The following TLR2 variants were observed in gnomAD, a reference collection of about 807,000 sequenced individuals.
TLR2 encodes toll-like receptor 2.
TLR2 carries 7 observed loss-of-function variants against 9.1 expected under a neutral mutation model. That is an observed-to-expected ratio of 0.77 (90% CI 0.44 to 1.44). The LOEUF (loss-of-function observed/expected upper bound fraction) is 1.44, where lower values mean the gene tolerates loss of function less well. TLR2 is among the 40% of genes most tolerant of loss of function. TLR2 has a pLI of 0.01. For missense variants in TLR2, 812 were observed against 904.6 expected, an observed-to-expected ratio of 0.90 and a Z score of 1.31; for synonymous variants, 317 against 344.6, an observed-to-expected ratio of 0.92 and a Z score of 0.89.
downstream of TLR2, among the ~76,000 whole-genome samples, chr4:153,708,141 A>T (rs1453213370): frequency 1.3e-5 from 2 of 152,148 alleles, no homozygotes; most frequent in African/African-American, 4.8e-5. Context: ...TTTTTTTCTG[A>T]GGCTGTTTAG....
In TLR2 at chr4:153,704,226, A is replaced by G. The variant is rs778774962; in HGVS notation, c.1319A>G (p.Tyr440Cys). 2.5e-6 allele frequency: 4 copies of G among 1,614,236 alleles called. No homozygotes were observed. The South Asian group carries it at 4.4e-5, about 18-fold the overall frequency. ...TGTCAGTGGCCAGAAAAGATGAAAT[A>G]TTTGAACTTATCCAGCACACGAATA... ...ETCQWPEKMK[Y>C]LNLSSTRIHS... The change falls in exon 3 of 3, where the codon TAT (tyrosine) becomes TGT (cysteine). Residue 440 changes from tyrosine to cysteine, a missense_variant. By Grantham distance (194) the Tyr-to-Cys change is radical. Coordinates refer to ENST00000642700, the MANE Select transcript of TLR2 (RefSeq NM_001318789.2).
At chr4:153,708,447 T>A (rs766369519), downstream of TLR2, among the ~76,000 whole-genome samples, 32 of 152,214 alleles carry the variant, frequency 2.1e-4, no homozygotes, top group Non-Finnish European at 4.1e-4. Flanking sequence ...TACTATATAG[T>A]AAGTATTGAA....
At chr4:153,695,387 T>C (rs1736420281) in intron 2 of TLR2, among the ~76,000 whole-genome samples, 1 of 152,352 alleles carries the variant, frequency 6.6e-6, no homozygotes, top group South Asian at 2.1e-4. Context: ...TGAAATGATA[T>C]CTCATTGTAG....
downstream of TLR2, chr4:153,710,361 C>T (rs1247421108): frequency 6.5e-7 from 1 of 1,549,540 alleles, no homozygotes; most frequent in Admixed American, 2.0e-5. Context: ...CTTCTGGGGT[C>T]TGCTGTCCTA....
Position 153,704,314 on chromosome 4 carries a change from CA to C in TLR2, c.1409del (p.Asn470IlefsTer5). 6.2e-7 allele frequency: 1 copy of C among 1,613,790 alleles called. No homozygotes were observed. Among genetic ancestry groups the C allele is most frequent in the Non-Finnish European group, 8.5e-7 (1 of 1,179,946 alleles). ...TTTTAGATGTTAGCAACAACAATCT[CA>C]ATTTATTTTCTTTGAATTTGCCGCA... Reference protein sequence around the residue: ...EILDVSNNNLNLFSLNLPQLK... With the variant: ...EILDVSNNNLXLFSLNLPQLK... On this transcript the variant is annotated frameshift_variant, in exon 3 of 3. Transcript: ENST00000642700. LOFTEE classifies it low-confidence loss of function (END_TRUNC).
chr4:153,702,762 T>C (rs201848072), intron 2 of TLR2, 130 bp from the exon 3 acceptor site: 5 of 415,688 alleles, frequency 1.2e-5, no homozygotes, highest in East Asian at 3.8e-5. Flanking sequence ...CTCTCTCTCT[T>C]TGTGTGTGTG....
downstream of TLR2, among the ~76,000 whole-genome samples, chr4:153,708,234 A>G (rs1212676230): frequency 1.3e-5 from 2 of 152,220 alleles, no homozygotes; most frequent in Non-Finnish European, 2.9e-5. Context: ...AGAGTTCTAA[A>G]TGGTTCTGAA....
At chr4:153,687,821 A>C (rs554533889) in intron 1 of TLR2, 81 bp from the exon 2 acceptor site, 1 of 152,300 alleles carries the variant, frequency 6.6e-6, no homozygotes, top group East Asian at 1.9e-4. Flanking sequence ...GCTCTCTGAA[A>C]CTTTTGTGAA....
Position 153,690,597 on chromosome 4 carries a change from G to A in TLR2, c.-17+2550G>A, listed in dbSNP as rs116614041. ...AAGCTAGTCTCCCAAACGAGGGAAC[G>A]TGTGACATCCATTTGCTAAAGATAA... On this transcript the variant is annotated intron_variant, in intron 2 of 2. Transcript: ENST00000642700. Among the ~76,000 whole-genome samples the A allele has an allele frequency of 5.2e-3, 788 of 152,352 alleles. 7 individuals carry two copies. Among genetic ancestry groups the A allele is most frequent in the African/African-American group, 0.017 (727 of 41,576 alleles).
At chr4:153,707,487 C>A (rs1737371700), downstream of TLR2, among the ~76,000 whole-genome samples, 1 of 150,788 alleles carries the variant, frequency 6.6e-6, no homozygotes, top group Non-Finnish European at 1.5e-5. Context: ...GAGGTCCAGG[C>A]TGCAGTGAGC....
intron 1 of TLR2, among the ~76,000 whole-genome samples, chr4:153,687,321 A>G (rs893306475): frequency 2.0e-5 from 3 of 152,182 alleles, no homozygotes; most frequent in African/African-American, 7.2e-5. Context: ...AAATAATAAT[A>G]TAAGAATAGA....
intron 2 of TLR2, among the ~76,000 whole-genome samples, chr4:153,698,441 T>C (rs375900110): frequency 4.3e-4 from 66 of 152,174 alleles, no homozygotes; most frequent in African/African-American, 1.5e-3. Context: ...AAAACTGATA[T>C]TTAAAATGAT....
At chr4:153,685,039 G>A (rs1251422896) in intron 1 of TLR2, among the ~76,000 whole-genome samples, 1 of 151,736 alleles carries the variant, frequency 6.6e-6, no homozygotes, top group Non-Finnish European at 1.5e-5. Flanking sequence ...GCTCAGAGGT[G>A]GGAAAGGTTC....
In TLR2 at chr4:153,705,259, C is replaced by A; in HGVS notation, c.2352C>A (p.Ser784=). The A allele has an allele frequency of 6.4e-7, 1 of 1,561,568 alleles. No individual in the cohort carries two copies. Among genetic ancestry groups the A allele is most frequent in the Non-Finnish European group, 8.7e-7 (1 of 1,154,094 alleles). The change falls in exon 3 of 3, where the codon TCC becomes TCA. Residue 784 remains serine (S), a synonymous_variant. Transcript: ENST00000642700. ...FWVNLRAAIK[S] is the part of the protein sequence containing the mutation. ...TAAATCTGAGAGCTGCGATAAAGTC[C>A]TAGGTTCCCATATTTAAGACCAGTC...
At position 153,703,638 on chromosome 4, in the gene TLR2, C is replaced by T. The variant is rs1323763076; in HGVS notation, c.731C>T (p.Thr244Ile). 6.2e-7 allele frequency: 1 copy of T among 1,613,422 alleles called. No individual in the cohort carries two copies. The highest frequency in any genetic ancestry group is 8.5e-7 in the Non-Finnish European group (1 of 1,179,826). ...ACTTTCCATTTTTCAGAACTATCCACTGGTGAAACAAATTCATTGATTAAA... is the reference window on the plus strand; with the variant it reads ...ACTTTCCATTTTTCAGAACTATCCATTGGTGAAACAAATTCATTGATTAAA... ...LDTFHFSELS[T>I]GETNSLIKKF... is the part of the protein sequence containing the mutation. The change falls in exon 3 of 3, where the codon ACT becomes ATT. Residue 244 changes from threonine to isoleucine, a missense_variant. Thr to Ile is a moderately conservative substitution (Grantham distance 89, BLOSUM62 -1). Transcript: ENST00000642700.
rs5743707 is a variant in TLR2 at position 153,705,052 on chromosome 4, T to G, written c.2145T>G (p.Tyr715Ter). 1.6e-5 allele frequency: 26 copies of G among 1,614,042 alleles called. No homozygotes were observed. In the African/African-American group the frequency reaches 2.0e-4, roughly 12 times the overall value. The change falls in exon 3 of 3, where the codon TAT becomes TAG. Residue 715 changes from tyrosine (Y) to a stop codon, truncating the protein, a stop_gained. Transcript: ENST00000642700. LOFTEE classifies it high-confidence loss of function. ...TTGTGAAGAGTGAGTGGTGCAAGTA[T>G]GAACTGGACTTCTCCCATTTCCGTC... ...ENFVKSEWCK[Y>*]ELDFSHFRLF...
chr4:153,697,180 A>T (rs1240593477), intron 2 of TLR2, among the ~76,000 whole-genome samples: 1 of 152,154 alleles, frequency 6.6e-6, no homozygotes, highest in African/African-American at 2.4e-5. Context: ...AGAAAATTCT[A>T]AGTTTTTTTT....
In TLR2 at chr4:153,705,299, A is replaced by C; in HGVS notation, c.*37A>C. The stretch of plus-strand genomic sequence containing the variant: ...TAAGACCAGTCTTTGTCTAGTTGGG[A>C]TCTTTATGTCACTAGTTATAGTTAA... On this transcript the variant is annotated 3_prime_UTR_variant, in exon 3 of 3. Coordinates refer to ENST00000642700, the MANE Select transcript of TLR2 (RefSeq NM_001318789.2). The C allele has an allele frequency of 6.6e-7, 1 of 1,510,044 alleles. No individual in the cohort carries two copies. Among genetic ancestry groups the C allele is most frequent in the Non-Finnish European group, 8.9e-7 (1 of 1,128,422 alleles). The allele number at this position is 1,510,044 out of a possible 1,614,324, so 93.5% of individuals were successfully genotyped here.
intron 2 of TLR2, among the ~76,000 whole-genome samples, chr4:153,695,669 C>G (rs1291310105): frequency 6.6e-6 from 1 of 152,074 alleles, no homozygotes; most frequent in Non-Finnish European, 1.5e-5. Flanking sequence ...TATGCAGAAA[C>G]TTTTTAACTT....
Sources: allele counts gnomAD v4.1 joint callset (sites outside exome capture counted in the v4.1 genomes callset), GRCh38; gene constraint gnomAD v4.1.1; transcripts MANE v1.5; gene names NCBI Gene and HGNC (gene_info 2026-07-23, HGNC 2026-07-21).